Variants in PRR5 observed in about 807,000 individuals in gnomAD.
The protein encoded by PRR5 is proline rich 5, also known as proline-rich protein 5.
Under a neutral mutation model 30.6 loss-of-function variants are expected in PRR5, and 25 were observed. That is an observed-to-expected ratio of 0.82 (90% CI 0.60 to 1.14). The LOEUF is 1.14. Among genes scored for constraint, PRR5 ranks in the 50% most tolerant of loss-of-function variants. The pLI is 0.00. For missense variants in PRR5, 600 were observed against 547.1 expected, an observed-to-expected ratio of 1.10 and a Z score of -0.96; for synonymous variants, 286 against 247.1, an observed-to-expected ratio of 1.16 and a Z score of -1.48.
chr22:44,681,637 C>T (rs921818808), intron 1 of PRR5, among the ~76,000 whole-genome samples: 1 of 151,618 alleles, frequency 6.6e-6, no homozygotes, highest in Non-Finnish European at 1.5e-5. Context: ...TTGAAGAGTC[C>T]AGCAGACAGT....
intron 1 of PRR5, among the ~76,000 whole-genome samples, chr22:44,684,124 T>C (rs950259391): frequency 6.6e-6 from 1 of 152,138 alleles, no homozygotes; most frequent in African/African-American, 2.4e-5. Context: ...CTGGGGCTTT[T>C]CAGTTAAACA....
intron 4 of PRR5, chr22:44,730,211 C>G (rs1921691716): frequency 3.0e-6 from 3 of 985,358 alleles, no homozygotes; most frequent in South Asian, 4.7e-5. Flanking sequence ...GGTCCCTGTT[C>G]AGCCTCCGCA....
At chr22:44,672,526 G>C (rs1923484394), upstream of PRR5, among the ~76,000 whole-genome samples, 1 of 152,218 alleles carries the variant, frequency 6.6e-6, no homozygotes, top group Non-Finnish European at 1.5e-5. Flanking sequence ...AGAGGCTGTA[G>C]TGAGCTGAGA....
At chr22:44,696,419 G>A (rs552720327) in intron 1 of PRR5, among the ~76,000 whole-genome samples, 1 of 152,354 alleles carries the variant, frequency 6.6e-6, no homozygotes, top group Non-Finnish European at 1.5e-5. Flanking sequence ...ACCGATTGGT[G>A]TTCAAGACCT....
intron 4 of PRR5, among the ~76,000 whole-genome samples, chr22:44,727,824 G>C (rs541006318): frequency 1.3e-5 from 2 of 152,332 alleles, no homozygotes; most frequent in East Asian, 3.9e-4. Flanking sequence ...GTTGGGTGGG[G>C]CCAGCCAAGA....
At chr22:44,669,630 C>T (rs754083224) in intron 1 of PRR5, among the ~76,000 whole-genome samples, 1 of 152,216 alleles carries the variant, frequency 6.6e-6, no homozygotes, top group Non-Finnish European at 1.5e-5. Flanking sequence ...TTTTTTCCAC[C>T]AGAGCCAAGG....
At chr22:44,701,121 A>G (rs1926241358), upstream of PRR5, among the ~76,000 whole-genome samples, 1 of 152,128 alleles carries the variant, frequency 6.6e-6, no homozygotes, top group South Asian at 2.1e-4. Context: ...ACCTCAGGTG[A>G]TCCTCCCACC....
chr22:44,699,235 T>C (rs1926040864), upstream of PRR5, among the ~76,000 whole-genome samples: 2 of 152,228 alleles, frequency 1.3e-5, no homozygotes, highest in Admixed American at 6.5e-5. Flanking sequence ...CACCTCGGGC[T>C]GCCCATTTCT....
chr22:44,708,822 C>T (rs1927654700), intron 1 of PRR5, among the ~76,000 whole-genome samples: 1 of 151,898 alleles, frequency 6.6e-6, no homozygotes, highest in African/African-American at 2.4e-5. Context: ...CAAAAATTAG[C>T]CCAGCGTGGT....
chr22:44,734,723 G>A (rs1922873607), intron 6 of PRR5: 1 of 430,594 alleles, frequency 2.3e-6, no homozygotes, highest in Non-Finnish European at 4.2e-6. Context: ...CTTGAGTACA[G>A]GGCCCCTCCG....
intron 1 of PRR5, among the ~76,000 whole-genome samples, chr22:44,707,950 C>T (rs1927494964): frequency 6.6e-6 from 1 of 152,146 alleles, no homozygotes; most frequent in African/African-American, 2.4e-5. Context: ...CCCAAGATGC[C>T]AGCCTCGTGC....
intron 4 of PRR5, 74 bp downstream of exon 4, chr22:44,726,708 T>C: frequency 6.2e-7 from 1 of 1,606,408 alleles, no homozygotes; most frequent in South Asian, 1.1e-5. Flanking sequence ...CTGGGCCTCG[T>C]GCTGGGGGCC....
chr22:44,694,479 G>A (rs1005276435), intron 1 of PRR5, among the ~76,000 whole-genome samples: 1 of 152,210 alleles, frequency 6.6e-6, no homozygotes, highest in African/African-American at 2.4e-5. Flanking sequence ...GTTGTAGTTA[G>A]CCGAGATCGT....
At chr22:44,705,614 C>T (rs112015386) in intron 1 of PRR5, among the ~76,000 whole-genome samples, 13,882 of 151,886 alleles carry the variant, frequency 0.091, 995 homozygotes, top group African/African-American at 0.21. Context: ...TGTGAGCCAC[C>T]GTGCCCAGCC....
intron 2 of PRR5, among the ~76,000 whole-genome samples, chr22:44,719,107 G>T (rs1308688523): frequency 1.4e-5 from 2 of 138,762 alleles, no homozygotes; most frequent in African/African-American, 5.6e-5. Flanking sequence ...TTTTTTTTAA[G>T]AGACTAGGTC....
At chr22:44,735,335 G>A (rs543608115) in intron 7 of PRR5, among the ~76,000 whole-genome samples, 173 bp downstream of exon 7, 4 of 152,352 alleles carry the variant, frequency 2.6e-5, no homozygotes, top group South Asian at 2.1e-4. Context: ...GTGGGGATCC[G>A]TGAGAGTGGG....
At chr22:44,714,492 T>G in intron 1 of PRR5, 99 bp from the exon 2 acceptor site, 2 of 1,512,494 alleles carry the variant, frequency 1.3e-6, no homozygotes, top group Non-Finnish European at 1.8e-6. Context: ...ATGGCTATCC[T>G]GCCCTTCTAG....
chr22:44,691,171 G>A lies in PRR5; in HGVS notation c.-10-11321G>A, dbSNP rs1166144624. ...GAGAAAGAGGGCAGAGGAACGGTGAGCCCAGGCTTCAGGTAGGAAGATCTG... is the reference window on the plus strand; with the variant it reads ...GAGAAAGAGGGCAGAGGAACGGTGAACCCAGGCTTCAGGTAGGAAGATCTG... On this transcript the variant is annotated intron_variant, in intron 1 of 8. Transcript: ENST00000006251. The surrounding 1 kb of genome is among the most constrained non-coding windows in gnomAD (Gnocchi z 4.4). Among the ~76,000 whole-genome samples the A allele has an allele frequency of 3.9e-5, 6 of 152,124 alleles. No homozygotes were observed. The highest frequency in any genetic ancestry group is 3.9e-4 in the Admixed American group (6 of 15,282).
chr22:44,706,104 C>T (rs1415738540), intron 1 of PRR5, among the ~76,000 whole-genome samples: 1 of 152,078 alleles, frequency 6.6e-6, no homozygotes, highest in East Asian at 1.9e-4. Flanking sequence ...CAGGCTCCCT[C>T]CCCTTTCTCT....
Sources: allele counts gnomAD v4.1 joint callset (sites outside exome capture counted in the v4.1 genomes callset), GRCh38; gene constraint gnomAD v4.1.1; non-coding constraint Gnocchi (gnomAD v3.1); transcripts MANE v1.5; gene names NCBI Gene and HGNC (gene_info 2026-07-23, HGNC 2026-07-21).